NIPBL: variants seen among roughly 807,000 people sequenced by gnomAD.
The protein encoded by NIPBL is nipped-B-like protein.
In NIPBL, 19 loss-of-function variants were observed where a neutral mutation model predicts 321.8. The observed-to-expected ratio is 0.06, with a 90% CI of 0.04 to 0.09. The LOEUF is 0.09. Among genes scored for constraint, NIPBL ranks in the 10% least tolerant of loss-of-function variants. The pLI is 1.00. For missense variants in NIPBL, 2,210 were observed against 3,327.0 expected, an observed-to-expected ratio of 0.66 and a Z score of 8.26; for synonymous variants, 1,106 against 1,114.1, an observed-to-expected ratio of 0.99 and a Z score of 0.14.
At chr5:36,932,409 T>C (rs1749844225) in intron 1 of NIPBL, among the ~76,000 whole-genome samples, 1 of 152,212 alleles carries the variant, frequency 6.6e-6, no homozygotes, top group South Asian at 2.1e-4. Context: ...ATATCTTCCT[T>C]ATGTACTGAC....
chr5:36,951,230 G>C (rs1003605557), intron 1 of NIPBL, among the ~76,000 whole-genome samples: 1 of 151,996 alleles, frequency 6.6e-6, no homozygotes, highest in Non-Finnish European at 1.5e-5. Context: ...TAAATACATA[G>C]TCATTTTTAG....
Position 36,986,247 on chromosome 5 carries a change from A to C in NIPBL, c.3067A>C (p.Lys1023Gln). 6.4e-7 allele frequency: 1 copy of C among 1,562,544 alleles called. No homozygotes were observed. The highest frequency in any genetic ancestry group is 8.6e-7 in the Non-Finnish European group (1 of 1,161,600). Reference sequence around the variant, plus strand: ...GAAACTTATTAAAGATAGAGAGGACAAATCAAGAAGTTCCCTTAAACCTAT... The same window carrying C: ...GAAACTTATTAAAGATAGAGAGGACCAATCAAGAAGTTCCCTTAAACCTAT... ...VQKLIKDRED[K>Q]SRSSLKPIKN... is the part of the protein sequence containing the mutation. Residue 1023 changes from lysine to glutamine, a missense_variant, in exon 10 of 47, where the codon AAA becomes CAA. This residue lies in a region of NIPBL where 381 missense variants were observed against 642.3 expected (regional missense o/e 0.59). Coordinates refer to ENST00000282516, the MANE Select transcript of NIPBL (RefSeq NM_133433.4).
intron 10 of NIPBL, among the ~76,000 whole-genome samples, chr5:36,991,438 C>A (rs1745503499): frequency 6.6e-6 from 1 of 151,824 alleles, no homozygotes; most frequent in Non-Finnish European, 1.5e-5. Context: ...TAAAATAAAT[C>A]TTTTTATGTA....
At chr5:37,040,474 T>C (rs1752213267) in intron 34 of NIPBL, among the ~76,000 whole-genome samples, 1 of 152,174 alleles carries the variant, frequency 6.6e-6, no homozygotes, top group South Asian at 2.1e-4. Context: ...TTGAATCATA[T>C]TATATAGATA....
At chr5:37,063,452 G>A (rs757608770) in intron 45 of NIPBL, among the ~76,000 whole-genome samples, 1 of 152,194 alleles carries the variant, frequency 6.6e-6, no homozygotes, top group Non-Finnish European at 1.5e-5. Flanking sequence ...CTTGGACCAA[G>A]GGTCTGAAAA....
intron 1 of NIPBL, among the ~76,000 whole-genome samples, chr5:36,947,140 T>G (rs541465607): frequency 2.0e-4 from 30 of 152,152 alleles, no homozygotes; most frequent in South Asian, 1.2e-3. Flanking sequence ...AAAAAAAATT[T>G]CCCCTACAGC....
At chr5:36,957,376 G>A (rs1247990241) in intron 3 of NIPBL, among the ~76,000 whole-genome samples, 1 of 152,148 alleles carries the variant, frequency 6.6e-6, no homozygotes, top group Non-Finnish European at 1.5e-5. Flanking sequence ...TTATTTGTAA[G>A]ACATTCCCAG....
chr5:37,054,954 A>G (rs1427819148), intron 42 of NIPBL, among the ~76,000 whole-genome samples: 2 of 152,162 alleles, frequency 1.3e-5, no homozygotes, highest in African/African-American at 2.4e-5. Flanking sequence ...AATAATGAGG[A>G]CAATTGCCAA....
chr5:36,878,944 T>C (rs556536274), intron 1 of NIPBL, among the ~76,000 whole-genome samples: 1 of 141,408 alleles, frequency 7.1e-6, no homozygotes, highest in South Asian at 2.6e-4. Context: ...TAGACACTGT[T>C]TGCTACGGGG....
rs575179928 is a variant in NIPBL, at chr5:36,991,916, A to T, written c.3122-3706A>T. ...CTCAGAGTTGTTTTCCTGTTTTAAA[A>T]AGAAAACAGAACACATTGTTAGTTA... On this transcript the variant is annotated intron_variant, in intron 10 of 46. Transcript: ENST00000282516. Among the ~76,000 whole-genome samples the T allele has an allele frequency of 7.2e-5, 11 of 152,280 alleles. No homozygotes were observed. In the South Asian group the frequency reaches 2.3e-3, roughly 32 times the overall value.
chr5:36,978,190 T>C (rs1743724683), intron 9 of NIPBL, among the ~76,000 whole-genome samples: 1 of 151,974 alleles, frequency 6.6e-6, no homozygotes. Flanking sequence ...ATACTGTTTT[T>C]CATAAGGGTT....
At chr5:36,905,355 G>T (rs1437174076) in intron 1 of NIPBL, among the ~76,000 whole-genome samples, 1 of 152,166 alleles carries the variant, frequency 6.6e-6, no homozygotes, top group East Asian at 1.9e-4. Flanking sequence ...ATCCACTAAT[G>T]GAGGATTGTT....
chr5:36,940,353 T>C (rs1275575755), intron 1 of NIPBL, among the ~76,000 whole-genome samples: 4 of 152,154 alleles, frequency 2.6e-5, no homozygotes, highest in Non-Finnish European at 5.9e-5. Flanking sequence ...ATAAATCAAA[T>C]TGAGAGCCCC....
intron 31 of NIPBL, 26 bp downstream of exon 31, chr5:37,026,353 G>A (rs1750264978): frequency 7.4e-7 from 1 of 1,358,472 alleles, no homozygotes; most frequent in Admixed American, 1.7e-5. Context: ...ACAAGGGTGT[G>A]GTCACTGTTG....
At position 36,985,907 on chromosome 5, in the gene NIPBL, T is replaced by C. The variant is rs148394805; in HGVS notation, c.2727T>C (p.Gly909=). ...ATAAATCAAGATCTGATAAACTTGG[T>C]TTTAAATCACCAACTAGTAAAGATG... ...DSNKSRSDKL[G]FKSPTSKDDK... is the part of the protein sequence containing the mutation. Residue 909 remains glycine (G), a synonymous_variant, in exon 10 of 47, where the codon GGT becomes GGC. Coordinates refer to ENST00000282516, the MANE Select transcript of NIPBL (RefSeq NM_133433.4). The C allele has an allele frequency of 1.3e-4, 206 of 1,613,858 alleles. No homozygotes were observed. In the African/African-American group the frequency reaches 2.6e-3, roughly 20 times the overall value.
chr5:36,985,661 G>C lies in NIPBL; in HGVS notation c.2481G>C (p.Arg827Ser), dbSNP rs1014692717. The change falls in exon 10 of 47, where the codon AGG (arginine) becomes AGC (serine). Residue 827 changes from arginine (R) to serine (S), a missense_variant. Physicochemically the swap from Arg to Ser is moderately radical, Grantham distance 110 (BLOSUM62 -1). This residue lies in a region of NIPBL where 588 missense variants were observed against 564.1 expected (regional missense o/e 1.04). Coordinates refer to ENST00000282516, the MANE Select transcript of NIPBL (RefSeq NM_133433.4). Reference protein sequence around the residue: ...DHDNKQKSDDRGESERHRGDQ... With the variant: ...DHDNKQKSDDSGESERHRGDQ... ...ATAATAAACAAAAATCAGATGACAGGGGTGAATCAGAGCGACATCGAGGGG... is the reference window on the plus strand; with the variant it reads ...ATAATAAACAAAAATCAGATGACAGCGGTGAATCAGAGCGACATCGAGGGG... 2.5e-6 allele frequency: 4 copies of C among 1,613,922 alleles called. No homozygotes were observed. The East Asian group carries it at 8.9e-5, about 36-fold the overall frequency.
At chr5:36,904,964 G>A (rs979911066) in intron 1 of NIPBL, among the ~76,000 whole-genome samples, 1 of 152,178 alleles carries the variant, frequency 6.6e-6, no homozygotes, top group South Asian at 2.1e-4. Flanking sequence ...GGTGGATGGC[G>A]TAATTGAAGG....
chr5:36,931,197 A>G (rs1749747907), intron 1 of NIPBL, among the ~76,000 whole-genome samples: 1 of 152,102 alleles, frequency 6.6e-6, no homozygotes, highest in Non-Finnish European at 1.5e-5. Context: ...TTAGGGATCT[A>G]TTCAGAGTTT....
At chr5:37,007,546 C>G (rs545067632) in intron 18 of NIPBL, 72 bp downstream of exon 18, 21 of 1,039,834 alleles carry the variant, frequency 2.0e-5, no homozygotes, top group Admixed American at 3.9e-5. Context: ...CTAGCTCACT[C>G]AATAATAAGA....
Sources: gnomAD v4.1 joint callset for allele counts (sites outside exome capture counted in the v4.1 genomes callset) on GRCh38, gnomAD v4.1.1 for gene constraint, gnomAD v4.1.1 regional missense constraint, MANE v1.5 for transcripts, NCBI Gene and HGNC (gene_info 2026-07-23, HGNC 2026-07-21) for gene names.